Variants in CAST observed in about 807,000 individuals in gnomAD.
CAST encodes the protein MIR583 host.
Under a neutral mutation model 119.6 loss-of-function variants are expected in CAST, and 76 were observed. The observed-to-expected ratio is 0.64, with a 90% CI of 0.53 to 0.77. CAST has a LOEUF of 0.77. Ranked by LOEUF, CAST falls within the 30% of genes least tolerant of loss-of-function variation. CAST has a pLI of 0.00. For missense variants in CAST, 953 were observed against 946.5 expected, an observed-to-expected ratio of 1.01 and a Z score of -0.09; for synonymous variants, 319 against 331.6, an observed-to-expected ratio of 0.96 and a Z score of 0.41.
intron 1 of CAST, among the ~76,000 whole-genome samples, chr5:96,642,476 T>C (rs1453198659): frequency 3.3e-5 from 5 of 152,016 alleles, no homozygotes; most frequent in African/African-American, 1.2e-4. Context: ...TTAAACACTT[T>C]GTGGCACTAT....
At chr5:96,387,046 C>T in the CAST span, among the ~76,000 whole-genome samples, 26 of 152,286 alleles carry the variant, frequency 1.7e-4, no homozygotes, top group East Asian at 3.5e-3. Flanking sequence ...ATCCTAACAG[C>T]AAATGCATAA....
intron 31 of CAST, 150 bp from the exon 32 acceptor site, chr5:96,772,490 A>G (rs1453967443): frequency 6.6e-6 from 1 of 152,536 alleles, no homozygotes; most frequent in East Asian, 1.9e-4. Context: ...AAATTAAAAA[A>G]AATTCTATTA....
At chr5:96,389,566 G>A in the CAST span, among the ~76,000 whole-genome samples, 4 of 152,200 alleles carry the variant, frequency 2.6e-5, no homozygotes, top group African/African-American at 9.7e-5. Flanking sequence ...GTCAGATTCT[G>A]AGATGGTGGG....
chr5:96,407,343 T>C, the CAST span, among the ~76,000 whole-genome samples: 1 of 152,178 alleles, frequency 6.6e-6, no homozygotes, highest in Non-Finnish European at 1.5e-5. Context: ...CTGAAGGGTA[T>C]GAAATATTGA....
In CAST at chr5:96,771,234, C is replaced by T. The variant is rs79990526; in HGVS notation, c.2341-410C>T. ...TGCCTATTATTTAATTTCAGTTATA[C>T]GAAGTACTTAATCAGCCCTTTAACA... On this transcript the variant is annotated intron_variant, in intron 30 of 31. Coordinates refer to ENST00000675179, the MANE Select transcript of CAST (RefSeq NM_001750.7). Among the ~76,000 whole-genome samples, 785 of 152,180 alleles carry T rather than the reference C, an allele frequency of 5.2e-3. 2 individuals carry two copies. Among genetic ancestry groups the T allele is most frequent in the Non-Finnish European group, 7.8e-3 (533 of 67,972 alleles).
chr5:96,722,741 T>A (rs942294113), intron 4 of CAST, 43 bp downstream of exon 4: 1 of 1,410,462 alleles, frequency 7.1e-7, no homozygotes, highest in Admixed American at 1.7e-5. Flanking sequence ...TTAAGTTGAT[T>A]GTGCTGCAAA....
chr5:96,422,532 G>A, the CAST span, among the ~76,000 whole-genome samples: 3 of 152,070 alleles, frequency 2.0e-5, no homozygotes, highest in Non-Finnish European at 2.9e-5. Context: ...ACACTTAAAC[G>A]CCTCCCGCAT....
the CAST span, among the ~76,000 whole-genome samples, chr5:96,104,383 A>C: frequency 7.2e-5 from 11 of 152,166 alleles, no homozygotes; most frequent in South Asian, 6.2e-4. Flanking sequence ...ACGTTTAAGT[A>C]TTTAATCCAT....
chr5:96,452,976 A>AAAAAAAAAAAAG, the CAST span, among the ~76,000 whole-genome samples: 326 of 142,330 alleles, frequency 2.3e-3, 13 homozygotes, highest in African/African-American at 9.1e-3. Flanking sequence ...AAAAAAAAAA[A>AAAAAAAAAAAAG]CAGAAGAAAG....
the CAST span, among the ~76,000 whole-genome samples, chr5:96,139,363 A>G: frequency 4.0e-5 from 6 of 150,266 alleles, no homozygotes; most frequent in Admixed American, 4.0e-4. Context: ...AGGAGTCAGC[A>G]TTTTCTGGGT....
chr5:96,539,927 A>G (rs909613622), intron 1 of CAST, among the ~76,000 whole-genome samples: 3 of 152,100 alleles, frequency 2.0e-5, no homozygotes, highest in African/African-American at 7.2e-5. Context: ...CTGCCTTATC[A>G]TAAATTAATT....
the CAST span, among the ~76,000 whole-genome samples, chr5:96,025,977 A>G: frequency 6.6e-6 from 1 of 152,228 alleles, no homozygotes; most frequent in African/African-American, 2.4e-5. Context: ...TCATGCCTGT[A>G]TTCCCAGCAC....
At chr5:96,621,990 G>A (rs1402314963) in intron 1 of CAST, among the ~76,000 whole-genome samples, 3 of 81,710 alleles carry the variant, frequency 3.7e-5, no homozygotes, top group Admixed American at 1.4e-4. Flanking sequence ...TTTTTTTTGA[G>A]ATGGAGTCTC....
At chr5:96,572,818 T>A (rs1278159471) in intron 1 of CAST, among the ~76,000 whole-genome samples, 1 of 152,192 alleles carries the variant, frequency 6.6e-6, no homozygotes. Context: ...GCCACAAGTC[T>A]ATCAGAGCTG....
the CAST span, chr5:96,432,002 C>T: frequency 2.0e-6 from 2 of 1,005,244 alleles, no homozygotes; most frequent in Admixed American, 2.0e-5. Flanking sequence ...GCCCACCCAC[C>T]TCCAACCAGC....
intron 1 of CAST, among the ~76,000 whole-genome samples, chr5:96,578,653 G>A (rs1407315927): frequency 6.6e-6 from 1 of 152,050 alleles, no homozygotes; most frequent in African/African-American, 2.4e-5. Context: ...TTTCATGACA[G>A]TTGCTTTAAA....
At chr5:96,408,794 A>C in the CAST span, among the ~76,000 whole-genome samples, 10 of 152,222 alleles carry the variant, frequency 6.6e-5, no homozygotes, top group Admixed American at 3.3e-4. Context: ...GGCCTTAGCC[A>C]TTTGAACTAC....
chr5:96,306,866 T>A, the CAST span, among the ~76,000 whole-genome samples: 1 of 152,156 alleles, frequency 6.6e-6, no homozygotes, highest in East Asian at 1.9e-4. Flanking sequence ...TGTTTTACTT[T>A]CAACTATGTG....
chr5:96,582,280 A>G (rs1043588596), intron 1 of CAST, among the ~76,000 whole-genome samples: 3 of 152,234 alleles, frequency 2.0e-5, no homozygotes, highest in Non-Finnish European at 2.9e-5. Flanking sequence ...TTTAAGGGGT[A>G]GAATATTTTC....
Sources: gnomAD v4.1 joint callset for allele counts (sites outside exome capture counted in the v4.1 genomes callset) on GRCh38, gnomAD v4.1.1 for gene constraint, MANE v1.5 for transcripts, NCBI Gene and HGNC (gene_info 2026-07-23, HGNC 2026-07-21) for gene names.